CNOT6: variants seen among roughly 807,000 people sequenced by gnomAD.
CNOT6 encodes carbon catabolite repression 4 protein.
Under a neutral mutation model 61.2 loss-of-function variants are expected in CNOT6, and 12 were observed. That is an observed-to-expected ratio of 0.20 (90% CI 0.13 to 0.32). The LOEUF is 0.32. CNOT6 is among the 10% of genes least tolerant of loss of function. The pLI is 1.00. For missense variants in CNOT6, 405 were observed against 663.9 expected, an observed-to-expected ratio of 0.61 and a Z score of 4.28; for synonymous variants, 225 against 240.6, an observed-to-expected ratio of 0.94 and a Z score of 0.60.
chr5:180,549,900 T>C, intron 2 of CNOT6, 31 bp from the exon 3 acceptor site: 2 of 1,514,316 alleles, frequency 1.3e-6, no homozygotes, highest in Non-Finnish European at 1.8e-6. Flanking sequence ...GAAAACTATA[T>C]AATCCGTTCC....
intron 6 of CNOT6, 64 bp from the exon 7 acceptor site, chr5:180,565,756 C>A: frequency 7.0e-7 from 1 of 1,423,276 alleles, no homozygotes; most frequent in Non-Finnish European, 9.6e-7. Context: ...AAAACCATTA[C>A]TGAAATTAAT....
chr5:180,519,709 G>A (rs924237228), intron 1 of CNOT6, among the ~76,000 whole-genome samples: 3 of 150,918 alleles, frequency 2.0e-5, no homozygotes, highest in African/African-American at 7.3e-5. Context: ...GAATCTCTTG[G>A]GTCTCTTATT....
rs532434200 is a variant in CNOT6 at position 180,503,427 on chromosome 5, C to G, written c.-3+8664C>G. On this transcript the variant is annotated intron_variant, in intron 1 of 11. Coordinates refer to ENST00000261951, the MANE Select transcript of CNOT6 (RefSeq NM_001370472.1). Reference sequence around the variant, plus strand: ...TAGAGGTACGCGCCACCATGCCTGGCTAATTTTTTGCATTTTTGGTAGAGA... The same window carrying G: ...TAGAGGTACGCGCCACCATGCCTGGGTAATTTTTTGCATTTTTGGTAGAGA... Among the ~76,000 whole-genome samples, 11 of 151,704 alleles carry G rather than the reference C, an allele frequency of 7.3e-5. No individual in the cohort carries two copies. The East Asian group carries it at 1.9e-3, about 27-fold the overall frequency.
At chr5:180,530,214 A>G (rs1758288176) in intron 2 of CNOT6, among the ~76,000 whole-genome samples, 1 of 152,232 alleles carries the variant, frequency 6.6e-6, no homozygotes, top group Non-Finnish European at 1.5e-5. Flanking sequence ...ATTTTTAAAA[A>G]TTTAATGCAG....
At chr5:180,509,836 T>G in intron 1 of CNOT6, among the ~76,000 whole-genome samples, 1 of 151,344 alleles carries the variant, frequency 6.6e-6, no homozygotes, top group Non-Finnish European at 1.5e-5. Flanking sequence ...GTGTTTTTTT[T>G]TTTTTTTTTT....
At chr5:180,547,777 A>C (rs1158475988) in intron 2 of CNOT6, among the ~76,000 whole-genome samples, 1 of 152,120 alleles carries the variant, frequency 6.6e-6, no homozygotes, top group Non-Finnish European at 1.5e-5. Context: ...TCTGTCGCCC[A>C]GACTGGAGTG....
chr5:180,499,164 G>A (rs1162366829), intron 1 of CNOT6, among the ~76,000 whole-genome samples: 1 of 152,230 alleles, frequency 6.6e-6, no homozygotes, highest in Non-Finnish European at 1.5e-5. Context: ...GCTATGCCCA[G>A]TTGCTCTATA....
intron 1 of CNOT6, among the ~76,000 whole-genome samples, chr5:180,528,550 C>T (rs1273286105): frequency 6.6e-6 from 1 of 152,088 alleles, no homozygotes; most frequent in Non-Finnish European, 1.5e-5. Flanking sequence ...CTCCTGACCT[C>T]GTGATTCACC....
Position 180,574,900 on chromosome 5 carries a change from A to G in CNOT6, c.*700A>G, listed in dbSNP as rs1422689986. 2 of 152,758 alleles carry G rather than the reference A, an allele frequency of 1.3e-5. No homozygotes were observed. The highest frequency in any genetic ancestry group is 4.8e-5 in the African/African-American group (2 of 41,442). The allele number at this position is 152,758 out of a possible 1,614,324, so 9.5% of individuals were successfully genotyped here. A position where few individuals can be genotyped will look rare whatever the true frequency, so the allele number is the denominator to read the frequency against. ...GGTTCTTTACATATAAATCTGCTTC[A>G]ACCTTAGGATGTTTTCAGACCAGAG... is the stretch of plus-strand genomic sequence containing the variant. On this transcript the variant is annotated 3_prime_UTR_variant, in exon 12 of 12. Transcript: ENST00000261951.
chr5:180,516,117 T>A (rs2127708209), intron 1 of CNOT6, among the ~76,000 whole-genome samples: 1 of 151,452 alleles, frequency 6.6e-6, no homozygotes, highest in African/African-American at 2.4e-5. Context: ...CCCAGGTTGG[T>A]CTTGAACTCT....
At chr5:180,571,073 CTG>C (rs1393629213) in intron 10 of CNOT6, among the ~76,000 whole-genome samples, 155 bp from the exon 11 acceptor site, 1 of 152,178 alleles carries the variant, frequency 6.6e-6, no homozygotes, top group East Asian at 1.9e-4. Flanking sequence ...GTGATGACAA[CTG>C]TGTAAAAATA....
At chr5:180,527,917 CGAGGGACCTAG>C (rs1165283954) in intron 1 of CNOT6, among the ~76,000 whole-genome samples, 1 of 152,116 alleles carries the variant, frequency 6.6e-6, no homozygotes, top group Non-Finnish European at 1.5e-5. Context: ...ACTGCGCATG[CGAGGGACCTAG>C]GCTGTGCGTT....
At chr5:180,568,968 A>T in intron 9 of CNOT6, 142 bp from the exon 10 acceptor site, 1 of 631,158 alleles carries the variant, frequency 1.6e-6, no homozygotes, top group Non-Finnish European at 2.7e-6. Flanking sequence ...GTTGTAGGGC[A>T]CATTCAGTCA....
intron 2 of CNOT6, among the ~76,000 whole-genome samples, chr5:180,542,410 C>T (rs1181721053): frequency 6.6e-6 from 1 of 151,858 alleles, no homozygotes; most frequent in African/African-American, 2.4e-5. Context: ...GACTACAGGC[C>T]CGCGCCACCA....
chr5:180,537,702 G>A (rs1758768848), intron 2 of CNOT6, among the ~76,000 whole-genome samples: 1 of 151,768 alleles, frequency 6.6e-6, no homozygotes, highest in Non-Finnish European at 1.5e-5. Context: ...TGTGAACATA[G>A]AATATCTCCA....
In CNOT6 at chr5:180,501,688, T is replaced by A. The variant is rs1756876482; in HGVS notation, c.-3+6925T>A. On this transcript the variant is annotated intron_variant, in intron 1 of 11. Coordinates refer to ENST00000261951, the MANE Select transcript of CNOT6 (RefSeq NM_001370472.1). ...TATGCATATATGCAAGTGTGAAACT[T>A]ATGGACCACAAGAGGAGAGGACTAA... 2.0e-5 allele frequency among the ~76,000 whole-genome samples: 3 copies of A among 152,194 alleles called. No homozygotes were observed. In the South Asian group the frequency reaches 6.2e-4, roughly 31 times the overall value.
chr5:180,525,212 C>T (rs955538123), intron 1 of CNOT6, among the ~76,000 whole-genome samples: 1 of 152,160 alleles, frequency 6.6e-6, no homozygotes, highest in Admixed American at 6.5e-5. Context: ...TCCTTCTGTG[C>T]TTTGATTAAA....
At chr5:180,530,601 G>A (rs1758307008) in intron 2 of CNOT6, among the ~76,000 whole-genome samples, 2 of 150,462 alleles carry the variant, frequency 1.3e-5, no homozygotes, top group Admixed American at 1.3e-4. Flanking sequence ...ATCATTCTTG[G>A]GTGTTTCTCG....
At chr5:180,559,786 G>T (rs538698392) in intron 4 of CNOT6, among the ~76,000 whole-genome samples, 1 of 151,636 alleles carries the variant, frequency 6.6e-6, no homozygotes, top group East Asian at 1.9e-4. Context: ...GGTTCCTCTG[G>T]GTATCACACT....
Sources: gnomAD v4.1 joint callset for allele counts (sites outside exome capture counted in the v4.1 genomes callset) on GRCh38, gnomAD v4.1.1 for gene constraint, MANE v1.5 for transcripts, NCBI Gene and HGNC (gene_info 2026-07-23, HGNC 2026-07-21) for gene names.